Variants in KHDRBS2 observed in about 807,000 individuals in gnomAD.
KHDRBS2 encodes the protein KH RNA binding domain containing, signal transduction associated 2.
A neutral mutation model predicts 44.3 loss-of-function variants in KHDRBS2; 26 were observed. The observed-to-expected ratio is 0.59, with a 90% CI of 0.43 to 0.81. KHDRBS2 has a LOEUF of 0.81. Ranked by LOEUF, KHDRBS2 falls within the 40% of genes least tolerant of loss-of-function variation. The pLI is 0.00. For synonymous variants in KHDRBS2, 194 were observed against 151.1 expected, an observed-to-expected ratio of 1.28 and a Z score of -2.08; for missense variants, 476 against 433.1, an observed-to-expected ratio of 1.10 and a Z score of -0.88.
intron 1 of KHDRBS2, among the ~76,000 whole-genome samples, chr6:62,265,747 C>A (rs1839102202): frequency 6.6e-6 from 1 of 151,954 alleles, no homozygotes; most frequent in South Asian, 2.1e-4. Context: ...TTTTAGCTCC[C>A]AGCAGCAAAT....
chr6:62,097,822 T>C (rs977048973), intron 2 of KHDRBS2, among the ~76,000 whole-genome samples: 17 of 152,156 alleles, frequency 1.1e-4, no homozygotes, highest in African/African-American at 4.1e-4. Context: ...TGTTCCTTTC[T>C]GTCCTCCTTT....
At chr6:61,747,728 A>G (rs915673128) in intron 6 of KHDRBS2, among the ~76,000 whole-genome samples, 4 of 152,156 alleles carry the variant, frequency 2.6e-5, no homozygotes, top group African/African-American at 9.7e-5. Flanking sequence ...TATTCTTATC[A>G]TTGGAAATAT....
chr6:61,798,110 A>G (rs1166021699), intron 6 of KHDRBS2, among the ~76,000 whole-genome samples: 1 of 152,080 alleles, frequency 6.6e-6, no homozygotes, highest in Non-Finnish European at 1.5e-5. Flanking sequence ...ATAACTGAGA[A>G]CACGTGCTAT....
intron 4 of KHDRBS2, among the ~76,000 whole-genome samples, chr6:61,911,481 C>T (rs909616351): frequency 2.6e-5 from 4 of 152,114 alleles, no homozygotes; most frequent in Non-Finnish European, 5.9e-5. Flanking sequence ...ACGCAAGGAT[C>T]GAAGCCTTCT....
chr6:61,638,449 G>A, the KHDRBS2 span, among the ~76,000 whole-genome samples: 1 of 152,084 alleles, frequency 6.6e-6, no homozygotes, highest in Non-Finnish European at 1.5e-5. Context: ...AAACTGGCTA[G>A]CCATATATAG....
the KHDRBS2 span, among the ~76,000 whole-genome samples, chr6:61,592,229 G>C: frequency 6.9e-6 from 1 of 145,962 alleles, no homozygotes; most frequent in Non-Finnish European, 1.5e-5. Flanking sequence ...GAGAAGAAAA[G>C]AGCTACAGAT....
chr6:61,856,991 G>C (rs181531768), intron 6 of KHDRBS2, among the ~76,000 whole-genome samples: 2 of 152,160 alleles, frequency 1.3e-5, no homozygotes, highest in East Asian at 3.9e-4. Context: ...CACATATTGT[G>C]CTGAAGTGCA....
At chr6:61,600,362 A>G in the KHDRBS2 span, among the ~76,000 whole-genome samples, 5 of 152,154 alleles carry the variant, frequency 3.3e-5, no homozygotes, top group African/African-American at 1.2e-4. Flanking sequence ...GCCTTAAGTG[A>G]TGACATTACC....
chr6:62,226,957 T>C (rs1237554416), intron 1 of KHDRBS2, among the ~76,000 whole-genome samples: 1 of 152,238 alleles, frequency 6.6e-6, no homozygotes, highest in Non-Finnish European at 1.5e-5. Context: ...TCAGATAGCA[T>C]GATGACTCCA....
intron 1 of KHDRBS2, among the ~76,000 whole-genome samples, chr6:62,270,342 C>G (rs1019356885): frequency 7.5e-6 from 1 of 132,780 alleles, no homozygotes; most frequent in Non-Finnish European, 1.6e-5. Context: ...CCCCGCCCAC[C>G]TTTCTCTCTC....
At chr6:62,184,266 T>C (rs1322417046) in intron 1 of KHDRBS2, among the ~76,000 whole-genome samples, 1 of 151,594 alleles carries the variant, frequency 6.6e-6, no homozygotes, top group African/African-American at 2.4e-5. Context: ...AAACCTAACA[T>C]GAATCACAGA....
At chr6:62,099,309 C>T (rs1801332067) in intron 2 of KHDRBS2, among the ~76,000 whole-genome samples, 1 of 152,132 alleles carries the variant, frequency 6.6e-6, no homozygotes, top group African/African-American at 2.4e-5. Flanking sequence ...AGGCTAATTA[C>T]TATGTTCTCA....
At chr6:61,779,946 T>A (rs750306512) in intron 6 of KHDRBS2, among the ~76,000 whole-genome samples, 2 of 151,406 alleles carry the variant, frequency 1.3e-5, no homozygotes, top group Non-Finnish European at 3.0e-5. Context: ...AAAAAAAAAC[T>A]TACTATATTG....
chr6:62,071,739 T>C (rs1226376498), intron 2 of KHDRBS2, among the ~76,000 whole-genome samples: 1 of 152,204 alleles, frequency 6.6e-6, no homozygotes, highest in Non-Finnish European at 1.5e-5. Flanking sequence ...TTTTGGTTAC[T>C]GTAGCCTTGT....
At chr6:61,859,070 A>T (rs1187202304) in intron 6 of KHDRBS2, among the ~76,000 whole-genome samples, 1 of 151,878 alleles carries the variant, frequency 6.6e-6, no homozygotes, top group Non-Finnish European at 1.5e-5. Context: ...GAGGAACAAA[A>T]TACTATATTG....
At chr6:62,230,255 C>T (rs176619) in intron 1 of KHDRBS2, among the ~76,000 whole-genome samples, 28,183 of 151,978 alleles carry the variant, frequency 0.19, 3,012 homozygotes, top group African/African-American at 0.31. Flanking sequence ...CAGGTTAATT[C>T]TGAGTTATAT....
chr6:61,876,297 G>T (rs1799400566), intron 6 of KHDRBS2, among the ~76,000 whole-genome samples: 1 of 151,972 alleles, frequency 6.6e-6, no homozygotes, highest in African/African-American at 2.4e-5. Flanking sequence ...TTAAATTTGA[G>T]TCTGTCAAAA....
intron 1 of KHDRBS2, among the ~76,000 whole-genome samples, chr6:62,217,067 C>A (rs1400030005): frequency 6.8e-6 from 1 of 147,432 alleles, no homozygotes; most frequent in South Asian, 2.1e-4. Flanking sequence ...CAAACCCTGA[C>A]ACTATGTTAT....
At chr6:61,847,046 T>A (rs1256374264) in intron 6 of KHDRBS2, among the ~76,000 whole-genome samples, 2 of 152,032 alleles carry the variant, frequency 1.3e-5, no homozygotes, top group East Asian at 1.9e-4. Flanking sequence ...TTAAGAAAAA[T>A]TTTATTTTAT....
Sources: gnomAD v4.1 joint callset for allele counts (sites outside exome capture counted in the v4.1 genomes callset) on GRCh38, gnomAD v4.1.1 for gene constraint, MANE v1.5 for transcripts, NCBI Gene and HGNC (gene_info 2026-07-23, HGNC 2026-07-21) for gene names.